The following GTF2I variants were observed in gnomAD, a reference collection of about 807,000 sequenced individuals.
The protein encoded by GTF2I is general transcription factor II-I.
GTF2I carries 12 observed loss-of-function variants against 67.6 expected under a neutral mutation model. The observed-to-expected ratio is 0.18, with a 90% confidence interval of 0.11 to 0.29. The LOEUF is 0.29. GTF2I is among the 10% of genes least tolerant of loss of function. The pLI is 1.00. For synonymous variants in GTF2I, 149 were observed against 197.0 expected (o/e 0.76, Z 2.04); for missense variants, 271 against 580.1 (o/e 0.47, Z 5.47).
intron 1 of GTF2I, among the ~76,000 whole-genome samples, chr7:74,658,732 G>A (rs1271842982): frequency 6.6e-6 from 1 of 151,424 alleles, no homozygotes; most frequent in Non-Finnish European, 1.5e-5. Flanking sequence ...TCCCGGGCCG[G>A]CCCGGCGCGC....
rs1229692342 is a variant in GTF2I, at chr7:74,728,325, CA to C, written c.944-452del. Among the ~76,000 whole-genome samples, 4 of 150,354 alleles carry C rather than the reference CA, an allele frequency of 2.7e-5. No homozygotes were observed. In the East Asian group the frequency reaches 5.9e-4, roughly 22 times the overall value. On this transcript the variant is annotated intron_variant, in intron 12 of 34. Transcript: ENST00000573035. ...TCAAAAACAAAAACAAAAACAAAAA[CA>C]AAAAAAAACTATTTACCCAATTTCC...
At chr7:74,683,818 A>C (rs1584120937) in intron 1 of GTF2I, among the ~76,000 whole-genome samples, 1 of 151,812 alleles carries the variant, frequency 6.6e-6, no homozygotes, top group Admixed American at 6.6e-5. Context: ...GTGCCACTGC[A>C]CTCCAGCCGG....
At chr7:74,671,366 C>T (rs370684913) in intron 1 of GTF2I, among the ~76,000 whole-genome samples, 23 of 151,946 alleles carry the variant, frequency 1.5e-4, no homozygotes, top group African/African-American at 4.4e-4. Context: ...GGATTATAGG[C>T]ATGAGCCACT....
intron 6 of GTF2I, 88 bp from the exon 7 acceptor site, chr7:74,705,076 A>G: frequency 1.2e-6 from 1 of 812,622 alleles, no homozygotes; most frequent in Non-Finnish European, 2.1e-6. Context: ...GCCTAGTTCT[A>G]CCCCACTAAT....
At chr7:74,667,273 G>A (rs1159169201) in intron 1 of GTF2I, among the ~76,000 whole-genome samples, 2 of 152,084 alleles carry the variant, frequency 1.3e-5, no homozygotes, top group African/African-American at 4.8e-5. Flanking sequence ...AACCCGGGAG[G>A]TGGAGGTTAC....
At chr7:74,750,439 A>C (rs1554409777) in intron 26 of GTF2I, among the ~76,000 whole-genome samples, 1 of 89,094 alleles carries the variant, frequency 1.1e-5, no homozygotes, top group African/African-American at 3.3e-5. Context: ...CTCAAAAAAA[A>C]TTAAAAAAAG....
At chr7:74,682,734 G>A (rs1787373110) in intron 1 of GTF2I, among the ~76,000 whole-genome samples, 1 of 152,114 alleles carries the variant, frequency 6.6e-6, no homozygotes, top group African/African-American at 2.4e-5. Flanking sequence ...AACAGAAATA[G>A]TCCTGCAAAA....
At chr7:74,686,792 G>A (rs139720679) in intron 1 of GTF2I, among the ~76,000 whole-genome samples, 8 of 152,106 alleles carry the variant, frequency 5.3e-5, no homozygotes, top group Non-Finnish European at 8.8e-5. Context: ...TGCTTGATAC[G>A]GCCTTTACTT....
intron 3 of GTF2I, among the ~76,000 whole-genome samples, chr7:74,693,444 A>G (rs1424249798): frequency 1.3e-5 from 2 of 151,816 alleles, no homozygotes; most frequent in African/African-American, 2.4e-5. Context: ...ACGCACACAT[A>G]TAATATGGCA....
intron 12 of GTF2I, 105 bp downstream of exon 12, chr7:74,719,046 T>C: frequency 1.6e-6 from 1 of 623,780 alleles, no homozygotes; most frequent in Non-Finnish European, 2.8e-6. Flanking sequence ...TAAAGGAGAC[T>C]TGTGGGACGA....
At chr7:74,680,694 A>G (rs1287059764) in intron 1 of GTF2I, among the ~76,000 whole-genome samples, 5 of 152,154 alleles carry the variant, frequency 3.3e-5, no homozygotes, top group Non-Finnish European at 7.4e-5. Flanking sequence ...GTTAGCAGTG[A>G]TGGTGCCACT....
intron 1 of GTF2I, among the ~76,000 whole-genome samples, chr7:74,667,138 A>C (rs1416518593): frequency 6.6e-6 from 1 of 152,066 alleles, no homozygotes; most frequent in East Asian, 1.9e-4. Context: ...GAACAAGACT[A>C]TGTCTCAAGG....
rs1793085629 is a variant in GTF2I, at chr7:74,722,112, C to T, written c.943+3171C>T. ...TCTGTCCGATTTTTCACAGTGTTTT[C>T]ACCTCGATATCTTCATTTGCAATTA... On this transcript the variant is annotated intron_variant, in intron 12 of 34. Coordinates refer to ENST00000573035, the MANE Select transcript of GTF2I (RefSeq NM_032999.4). Among the ~76,000 whole-genome samples the T allele has an allele frequency of 2.6e-5, 4 of 152,136 alleles. No homozygotes were observed. In the South Asian group the frequency reaches 8.3e-4, roughly 31 times the overall value.
At chr7:74,674,573 T>C (rs1805732545) in intron 1 of GTF2I, among the ~76,000 whole-genome samples, 1 of 152,090 alleles carries the variant, frequency 6.6e-6, no homozygotes, top group African/African-American at 2.4e-5. Context: ...AGTTTCACTC[T>C]TGTTGCTCAG....
At chr7:74,677,522 G>C (rs1379799164) in intron 1 of GTF2I, among the ~76,000 whole-genome samples, 1 of 151,590 alleles carries the variant, frequency 6.6e-6, no homozygotes, top group Non-Finnish European at 1.5e-5. Flanking sequence ...GAATTGGTTG[G>C]CCAGGTGTGG....
At chr7:74,681,061 C>T (rs142372066) in intron 1 of GTF2I, among the ~76,000 whole-genome samples, 1 of 152,098 alleles carries the variant, frequency 6.6e-6, no homozygotes, top group Admixed American at 6.6e-5. Flanking sequence ...CTTTGAAACT[C>T]ATGAAGGAGA....
At chr7:74,707,873 G>GT (rs797036120) in intron 8 of GTF2I, among the ~76,000 whole-genome samples, 53 of 147,462 alleles carry the variant, frequency 3.6e-4, no homozygotes, top group South Asian at 6.4e-4. Context: ...ATCATTATAG[G>GT]TTTTTTTTTT....
intron 1 of GTF2I, among the ~76,000 whole-genome samples, chr7:74,667,460 TGTC>T (rs1554388983): frequency 1.3e-5 from 2 of 152,222 alleles, no homozygotes; most frequent in East Asian, 3.8e-4. Flanking sequence ...TTTTTGTTGT[TGTC>T]GTTGTTGTTA....
At chr7:74,698,895 A>G (rs375313162) in intron 3 of GTF2I, 66 bp from the exon 4 acceptor site, 10 of 760,616 alleles carry the variant, frequency 1.3e-5, no homozygotes, top group African/African-American at 1.3e-4. Flanking sequence ...CTAAAAACCA[A>G]ATATTAAGGT....
Sources: allele counts gnomAD v4.1 joint callset (sites outside exome capture counted in the v4.1 genomes callset), GRCh38; gene constraint gnomAD v4.1.1; transcripts MANE v1.5; gene names NCBI Gene and HGNC (gene_info 2026-07-23, HGNC 2026-07-21).